NECTIN3: variants seen among roughly 807,000 people sequenced by gnomAD.
The protein encoded by NECTIN3 is nectin-3.
NECTIN3 carries 8 observed loss-of-function variants against 49.4 expected under a neutral mutation model. The ratio of observed to expected loss-of-function variants is 0.16; its 90% CI spans 0.10 to 0.29. The LOEUF (loss-of-function observed/expected upper bound fraction) is 0.29. Among genes scored for constraint, NECTIN3 ranks in the 10% least tolerant of loss-of-function variants. NECTIN3 has a pLI of 1.00. For missense variants in NECTIN3, 581 were observed against 654.6 expected (o/e 0.89, Z 1.23); for synonymous variants, 277 against 241.1 (o/e 1.15, Z -1.38).
intron 2 of NECTIN3, among the ~76,000 whole-genome samples, chr3:111,112,755 T>G (rs1211772118): frequency 6.6e-6 from 1 of 152,136 alleles, no homozygotes; most frequent in Non-Finnish European, 1.5e-5. Flanking sequence ...GTTTTGCATC[T>G]AGGAGCCATT....
intron 7 of NECTIN3, among the ~76,000 whole-genome samples, chr3:111,154,646 A>G (rs939970632): frequency 6.6e-6 from 1 of 152,060 alleles, no homozygotes; most frequent in Non-Finnish European, 1.5e-5. Context: ...ACCCTTACCA[A>G]CACTTATGGT....
At chr3:111,151,438 A>T (rs1339546950) in intron 7 of NECTIN3, among the ~76,000 whole-genome samples, 1 of 151,994 alleles carries the variant, frequency 6.6e-6, no homozygotes, top group Non-Finnish European at 1.5e-5. Flanking sequence ...TATATAATGT[A>T]TGAAAAAGAA....
chr3:111,119,941 G>T (rs1405812202), intron 3 of NECTIN3, among the ~76,000 whole-genome samples: 2 of 152,000 alleles, frequency 1.3e-5, no homozygotes. Context: ...ATTACACTTG[G>T]TGTAATCATT....
At chr3:111,166,058 T>G (rs1406741434) in intron 7 of NECTIN3, among the ~76,000 whole-genome samples, 1 of 152,190 alleles carries the variant, frequency 6.6e-6, no homozygotes, top group African/African-American at 2.4e-5. Context: ...ACAAGTTGAT[T>G]GCTACATGCC....
At chr3:111,162,933 T>C (rs1390959316) in intron 7 of NECTIN3, among the ~76,000 whole-genome samples, 1 of 152,230 alleles carries the variant, frequency 6.6e-6, no homozygotes, top group Non-Finnish European at 1.5e-5. Context: ...TGGCTTTCTA[T>C]TGCTGTATAG....
downstream of NECTIN3, among the ~76,000 whole-genome samples, chr3:111,141,004 A>G (rs2034731220): frequency 6.6e-6 from 1 of 151,892 alleles, no homozygotes; most frequent in South Asian, 2.1e-4. Flanking sequence ...TTTTGCTATT[A>G]CCACGTAAAA....
At chr3:111,103,166 T>G (rs2033001846) in intron 1 of NECTIN3, among the ~76,000 whole-genome samples, 1 of 152,184 alleles carries the variant, frequency 6.6e-6, no homozygotes, top group South Asian at 2.1e-4. Context: ...AGAATCAGTT[T>G]GTTGCTAGCC....
intron 1 of NECTIN3, among the ~76,000 whole-genome samples, chr3:111,091,670 T>C (rs977453998): frequency 9.9e-5 from 15 of 152,232 alleles, no homozygotes; most frequent in Non-Finnish European, 2.9e-5. Flanking sequence ...TATTCTGTTA[T>C]GTAGATATCA....
chr3:111,144,888 T>G, intron 5 of NECTIN3: 1 of 1,521,376 alleles, frequency 6.6e-7, no homozygotes, highest in Non-Finnish European at 8.8e-7. Flanking sequence ...CTAATTTTTG[T>G]TACTTTACAG....
chr3:111,118,265 T>TA (rs1227706619), intron 2 of NECTIN3, among the ~76,000 whole-genome samples: 2 of 138,138 alleles, frequency 1.4e-5, no homozygotes, highest in East Asian at 4.1e-4. Context: ...TATATATATA[T>TA]ATATATATAT....
At chr3:111,165,398 G>A (rs1374386335) in intron 7 of NECTIN3, among the ~76,000 whole-genome samples, 2 of 152,010 alleles carry the variant, frequency 1.3e-5, no homozygotes, top group East Asian at 3.9e-4. Context: ...CTGAACTGAT[G>A]AAATTCTTCA....
chr3:111,128,361 T>G (rs2034254391), intron 5 of NECTIN3, among the ~76,000 whole-genome samples: 1 of 151,740 alleles, frequency 6.6e-6, no homozygotes, highest in Non-Finnish European at 1.5e-5. Flanking sequence ...ATATCAAGGC[T>G]CATTTTGGAC....
chr3:111,071,920 C>G lies in NECTIN3; in HGVS notation c.-98C>G. Reference sequence around the variant, plus strand: ...GCTAGAGCTGGGAGCTGGGGACGCGCGCGCCGGACCTTCCACAGCCTCCGC... The same window carrying G: ...GCTAGAGCTGGGAGCTGGGGACGCGGGCGCCGGACCTTCCACAGCCTCCGC... On this transcript the variant is annotated 5_prime_UTR_variant, in exon 1 of 6. Transcript: ENST00000485303. The G allele has an allele frequency of 2.5e-6, 2 of 797,882 alleles. No individual in the cohort carries two copies. The highest frequency in any genetic ancestry group is 3.4e-5 in the South Asian group (1 of 29,300). 49.4% of individuals were successfully genotyped at this position (797,882 alleles called of 1,614,324 possible).
intron 1 of NECTIN3, chr3:111,073,027 A>T (rs916898342): frequency 4.1e-3 from 346 of 83,504 alleles, no homozygotes; most frequent in African/African-American, 0.018. Context: ...GGACTGTGCT[A>T]AAAAAAAAAA....
chr3:111,160,789 C>T (rs571770338), intron 7 of NECTIN3, among the ~76,000 whole-genome samples: 5 of 152,292 alleles, frequency 3.3e-5, no homozygotes, highest in South Asian at 2.1e-4. Context: ...AGGCGGATCA[C>T]GAGGTCGGGA....
intron 1 of NECTIN3, among the ~76,000 whole-genome samples, chr3:111,109,295 C>G (rs895029142): frequency 9.9e-5 from 15 of 152,110 alleles, no homozygotes; most frequent in African/African-American, 2.9e-4. Flanking sequence ...AACATTCACT[C>G]CATAAAACTT....
chr3:111,119,203 A>G (rs1315096586), intron 3 of NECTIN3, among the ~76,000 whole-genome samples: 2 of 152,190 alleles, frequency 1.3e-5, no homozygotes, highest in Non-Finnish European at 2.9e-5. Context: ...GGCTGGACTT[A>G]GGGAGTTATG....
At position 111,105,127 on chromosome 3, in the gene NECTIN3, CTT is replaced by C. The variant is rs1202894266; in HGVS notation, c.161-6896_161-6895del. 7.1e-5 allele frequency among the ~76,000 whole-genome samples: 10 copies of C among 140,706 alleles called. No homozygotes were observed. In the East Asian group the frequency reaches 2.3e-3, roughly 32 times the overall value. 92.3% of individuals were successfully genotyped at this position (140,706 alleles called of 152,430 possible). ...CTTTTTTTCTTTTTTGTTTTCTTTT[CTT>C]TTTTTTCTTTTTTCTTTTTTCTTTT... On this transcript the variant is annotated intron_variant, in intron 1 of 5. Coordinates refer to ENST00000485303, the MANE Select transcript of NECTIN3 (RefSeq NM_015480.3).
At chr3:111,188,697 T>C (rs577508996), upstream of NECTIN3, among the ~76,000 whole-genome samples, 7 of 152,366 alleles carry the variant, frequency 4.6e-5, no homozygotes, top group East Asian at 7.7e-4. Context: ...ATTAACTTAA[T>C]ACTTGTTATA....
Sources: gnomAD v4.1 joint callset for allele counts (sites outside exome capture counted in the v4.1 genomes callset) on GRCh38, gnomAD v4.1.1 for gene constraint, MANE v1.5 for transcripts, NCBI Gene and HGNC (gene_info 2026-07-23, HGNC 2026-07-21) for gene names.